Variants in NEDD4 observed in about 807,000 individuals in gnomAD.
The protein encoded by NEDD4 is E3 ubiquitin-protein ligase NEDD4.
A neutral mutation model predicts 144.9 loss-of-function variants in NEDD4; 99 were observed. That is an observed-to-expected ratio of 0.68 (90% CI 0.58 to 0.81). The LOEUF (loss-of-function observed/expected upper bound fraction) is 0.81. Among genes scored for constraint, NEDD4 ranks in the 30% least tolerant of loss-of-function variants. The pLI, the probability that NEDD4 is intolerant of heterozygous loss-of-function variation, is 0.00. For synonymous variants in NEDD4, 318 were observed against 350.6 expected (o/e 0.91, Z 1.04); for missense variants, 985 against 1,065.9 (o/e 0.92, Z 1.06).
At chr15:55,922,109 C>T (rs1278499404) in intron 5 of NEDD4, among the ~76,000 whole-genome samples, 3 of 152,090 alleles carry the variant, frequency 2.0e-5, no homozygotes, top group Non-Finnish European at 4.4e-5. Flanking sequence ...GACTCAGACA[C>T]GTACATAGGG....
At chr15:55,907,099 A>T (rs1464620812) in intron 5 of NEDD4, among the ~76,000 whole-genome samples, 1 of 151,336 alleles carries the variant, frequency 6.6e-6, no homozygotes, top group East Asian at 1.9e-4. Context: ...TCTCAAAAAT[A>T]AAAAAAAATA....
At chr15:55,892,674 T>C (rs2035609355) in intron 5 of NEDD4, among the ~76,000 whole-genome samples, 1 of 152,192 alleles carries the variant, frequency 6.6e-6, no homozygotes, top group African/African-American at 2.4e-5. Flanking sequence ...ATTTTTACCC[T>C]CTGTCCTTGC....
intron 5 of NEDD4, among the ~76,000 whole-genome samples, chr15:55,880,239 C>A (rs1347793950): frequency 1.3e-5 from 2 of 152,058 alleles, no homozygotes; most frequent in Non-Finnish European, 2.9e-5. Flanking sequence ...TTGCAGTGAG[C>A]CGAGATCGCA....
intron 18 of NEDD4, among the ~76,000 whole-genome samples, chr15:55,845,759 G>C (rs542607532): frequency 6.6e-6 from 1 of 151,222 alleles, no homozygotes; most frequent in African/African-American, 2.4e-5. Flanking sequence ...CAAATTTCCA[G>C]GGAAATTTCG....
At chr15:55,881,089 G>C (rs2035174674) in intron 5 of NEDD4, among the ~76,000 whole-genome samples, 1 of 150,772 alleles carries the variant, frequency 6.6e-6, no homozygotes, top group Admixed American at 6.6e-5. Context: ...AAATGGGTAA[G>C]TTAGCTTTTA....
chr15:55,973,173 C>A (rs1266404009), intron 1 of NEDD4, among the ~76,000 whole-genome samples: 1 of 152,222 alleles, frequency 6.6e-6, no homozygotes, highest in East Asian at 1.9e-4. Flanking sequence ...CCAATGGCTG[C>A]ATAATACATA....
In NEDD4 at chr15:55,903,685, C is replaced by T. The variant is rs542583408; in HGVS notation, c.291+20961G>A. 1.6e-3 allele frequency among the ~76,000 whole-genome samples: 249 copies of T among 151,254 alleles called. 2 individuals carry two copies. Among genetic ancestry groups the T allele is most frequent in the Non-Finnish European group, 1.5e-3 (103 of 67,846 alleles). On this transcript the variant is annotated intron_variant, in intron 5 of 28. Coordinates refer to ENST00000435532, the MANE Select transcript of NEDD4 (RefSeq NM_006154.4). ...CTAAAAATACAAAAAATTAGCTGGG[C>T]GTGGTGGCAGGTGCCTGTAGTCCCA...
At chr15:55,980,412 G>C (rs1409589891) in intron 1 of NEDD4, among the ~76,000 whole-genome samples, 8 of 150,576 alleles carry the variant, frequency 5.3e-5, no homozygotes. Context: ...AAGATTGAGC[G>C]AACTGGGTGA....
At chr15:55,916,779 G>C (rs1305899766) in intron 5 of NEDD4, 1 of 1,613,038 alleles carries the variant, frequency 6.2e-7, no homozygotes, top group South Asian at 1.1e-5. Flanking sequence ...TTCTGACAAA[G>C]GGTAAGTATT....
At chr15:55,986,579 G>GTTTTTTTT (rs2037895840) in intron 1 of NEDD4, among the ~76,000 whole-genome samples, 3 of 117,314 alleles carry the variant, frequency 2.6e-5, no homozygotes, top group African/African-American at 1.0e-4. Context: ...GCCTGTCCTT[G>GTTTTTTTT]CTTTTTTTTT....
chr15:55,915,593 A>C (rs1275779873), intron 5 of NEDD4: 1 of 1,613,962 alleles, frequency 6.2e-7, no homozygotes, highest in East Asian at 2.2e-5. Flanking sequence ...GCATGAGCTT[A>C]ATATACTCTG....
chr15:55,956,627 CAT>C (rs1348970238), intron 2 of NEDD4, among the ~76,000 whole-genome samples: 1 of 152,288 alleles, frequency 6.6e-6, no homozygotes, highest in African/African-American at 2.4e-5. Flanking sequence ...CTCACACACA[CAT>C]GCGCATGTAT....
In NEDD4 at chr15:55,834,081, T is replaced by A; in HGVS notation, c.2387A>T (p.Asn796Ile). The change falls in exon 26 of 29, where the codon AAT becomes ATT. Residue 796 changes from asparagine (N) to isoleucine (I), a missense_variant. Coordinates refer to ENST00000435532, the MANE Select transcript of NEDD4 (RefSeq NM_006154.4). ...AACCTGATGATTTGCACTGTAGCCA[T>A]TTTTATACTTTGTATGTTCCCTCCA... ...NDWREHTKYKNGYSANHQVIQ... is the reference protein window; with the variant it reads ...NDWREHTKYKIGYSANHQVIQ... The A allele has an allele frequency of 6.2e-7, 1 of 1,613,656 alleles. No homozygotes were observed.
At chr15:55,877,676 C>T (rs2035040943) in intron 5 of NEDD4, among the ~76,000 whole-genome samples, 1 of 152,040 alleles carries the variant, frequency 6.6e-6, no homozygotes, top group Non-Finnish European at 1.5e-5. Flanking sequence ...CAAATGTTGA[C>T]TTTCTATTTC....
In NEDD4 at chr15:55,848,264, C is replaced by G. The variant is rs553878045; in HGVS notation, c.1542+108G>C. 2.5e-4 allele frequency: 254 copies of G among 1,007,972 alleles called. 1 individual carries two copies. Among genetic ancestry groups the G allele is most frequent in the Non-Finnish European group, 3.8e-4 (243 of 643,550 alleles). 62.4% of individuals were successfully genotyped at this position (1,007,972 alleles called of 1,614,324 possible). A position where few individuals can be genotyped will look rare whatever the true frequency, so the allele number is the denominator to read the frequency against. The stretch of plus-strand genomic sequence containing the variant: ...GAAATGGGGGAGAGGAGAGAACGGC[C>G]AATGTGCTTTCCTCTCAATGCCTGT... On this transcript the variant is annotated intron_variant, in intron 17 of 28. Transcript: ENST00000435532.
chr15:55,976,182 G>C (rs528379914), intron 1 of NEDD4, among the ~76,000 whole-genome samples: 6 of 152,242 alleles, frequency 3.9e-5, no homozygotes, highest in African/African-American at 1.4e-4. Flanking sequence ...ACTTTCTTGA[G>C]TAATACCCAA....
intron 2 of NEDD4, among the ~76,000 whole-genome samples, chr15:55,953,239 C>G (rs2037277330): frequency 6.6e-6 from 1 of 152,060 alleles, no homozygotes; most frequent in Admixed American, 6.6e-5. Context: ...ATCCGCCCGC[C>G]TTGGCTCCCA....
intron 5 of NEDD4, among the ~76,000 whole-genome samples, chr15:55,883,270 G>A (rs1470263111): frequency 2.6e-5 from 4 of 152,188 alleles, no homozygotes; most frequent in African/African-American, 9.7e-5. Context: ...ATAGCCCTGT[G>A]GCAGGAGTGG....
intron 2 of NEDD4, among the ~76,000 whole-genome samples, chr15:55,964,402 C>G (rs2037474730): frequency 6.6e-6 from 1 of 152,060 alleles, no homozygotes; most frequent in Admixed American, 6.6e-5. Flanking sequence ...AATCTTTCCT[C>G]TTCTCCATTT....
Sources: allele counts gnomAD v4.1 joint callset (sites outside exome capture counted in the v4.1 genomes callset), GRCh38; gene constraint gnomAD v4.1.1; transcripts MANE v1.5; gene names NCBI Gene and HGNC (gene_info 2026-07-23, HGNC 2026-07-21).